Variants in NEUROD4 observed in about 807,000 individuals in gnomAD.
The protein encoded by NEUROD4 is neurogenic differentiation factor 4.
In NEUROD4, 16 loss-of-function variants were observed where a neutral mutation model predicts 19.8. The observed-to-expected ratio is 0.81, with a 90% CI of 0.55 to 1.23. NEUROD4 has a LOEUF of 1.23. Ranked by LOEUF, NEUROD4 falls within the 50% of genes most tolerant of loss-of-function variation. The pLI, the probability that NEUROD4 is intolerant of heterozygous loss-of-function variation, is 0.00. For synonymous variants in NEUROD4, 153 were observed against 147.9 expected (o/e 1.03, Z -0.25); for missense variants, 439 against 398.6 (o/e 1.10, Z -0.86).
Position 55,027,449 on chromosome 12 carries a change from A to T in NEUROD4, c.*14A>T. 3 of 1,574,768 alleles carry T rather than the reference A, an allele frequency of 1.9e-6. No individual in the cohort carries two copies. Among genetic ancestry groups the T allele is most frequent in the Non-Finnish European group, 2.6e-6 (3 of 1,162,396 alleles). ...TTCACTGAGTGAGGCAGTTAAGTTCAATGTTTCAGAGAATGACGTGGAGAC... is the reference window on the plus strand; with the variant it reads ...TTCACTGAGTGAGGCAGTTAAGTTCTATGTTTCAGAGAATGACGTGGAGAC... On this transcript the variant is annotated 3_prime_UTR_variant, in exon 2 of 2. Coordinates refer to ENST00000242994, the MANE Select transcript of NEUROD4 (RefSeq NM_021191.3).
intron 1 of NEUROD4, 72 bp from the exon 2 acceptor site, chr12:55,026,359 A>C (rs1433635075): frequency 1.5e-6 from 2 of 1,309,552 alleles, no homozygotes; most frequent in African/African-American, 1.5e-5. Flanking sequence ...AGATAATTAC[A>C]TATAAAAAAC....
rs1194631084 is a variant in NEUROD4, at chr12:55,029,611, C to T, written c.*2176C>T. On this transcript the variant is annotated 3_prime_UTR_variant, in exon 2 of 2. Coordinates refer to ENST00000242994, the MANE Select transcript of NEUROD4 (RefSeq NM_021191.3). ...TAGCTCATAATTTTGCTAAGAACTG[C>T]TGAGTTTTGGAGTGAGGGGAAAGGA... The T allele has an allele frequency of 6.0e-6, 1 of 167,000 alleles. No homozygotes were observed. The highest frequency in any genetic ancestry group is 1.5e-5 in the Non-Finnish European group (1 of 68,090). The allele number at this position is 167,000 out of a possible 1,614,324, so 10.3% of individuals were successfully genotyped here.
rs1231532835 is a variant in NEUROD4, at chr12:55,029,601, C to T, written c.*2166C>T. ...ATTTGGAAAGTAGCTCATAATTTTG[C>T]TAAGAACTGCTGAGTTTTGGAGTGA... On this transcript the variant is annotated 3_prime_UTR_variant, in exon 2 of 2. Transcript: ENST00000242994. 1.8e-5 allele frequency: 3 copies of T among 166,962 alleles called. No homozygotes were observed. The highest frequency in any genetic ancestry group is 4.4e-5 in the Non-Finnish European group (3 of 68,090). 10.3% of individuals were successfully genotyped at this position (166,962 alleles called of 1,614,324 possible).
rs1952751368 is a variant in NEUROD4, at chr12:55,027,706, G to C, written c.*271G>C. 1 of 364,716 alleles carries C rather than the reference G, an allele frequency of 2.7e-6. No individual in the cohort carries two copies. The highest frequency in any genetic ancestry group is 4.6e-5 in the East Asian group (1 of 21,852). The allele number at this position is 364,716 out of a possible 1,614,324, so 22.6% of individuals were successfully genotyped here. On this transcript the variant is annotated 3_prime_UTR_variant, in exon 2 of 2. Coordinates refer to ENST00000242994, the MANE Select transcript of NEUROD4 (RefSeq NM_021191.3). ...AGAAGACCTGGGCCCTATTCCAGTG[G>C]TGCCAAAAACTCATTGCATAATCTG... is the stretch of plus-strand genomic sequence containing the variant.
Position 55,029,449 on chromosome 12 carries a change from A to G in NEUROD4, c.*2014A>G, listed in dbSNP as rs1426161914. 3 of 166,978 alleles carry G rather than the reference A, an allele frequency of 1.8e-5. No individual in the cohort carries two copies. Among genetic ancestry groups the G allele is most frequent in the Non-Finnish European group, 4.4e-5 (3 of 68,108 alleles). 10.3% of individuals were successfully genotyped at this position (166,978 alleles called of 1,614,324 possible). ...CGAAGCTAGCATTTTCTGGCATTTA[A>G]GTTTGTAGATAATCACTGTTGTTTG... On this transcript the variant is annotated 3_prime_UTR_variant, in exon 2 of 2. Transcript: ENST00000242994.
Position 55,027,422 on chromosome 12 carries a change from T to G in NEUROD4, c.983T>G (p.Val328Gly), listed in dbSNP as rs1361253451. The G allele has an allele frequency of 1.2e-6, 2 of 1,604,544 alleles. No individual in the cohort carries two copies. Among genetic ancestry groups the G allele is most frequent in the African/African-American group, 1.3e-5 (1 of 74,594 alleles). Residue 328 changes from valine (V) to glycine (G), a missense_variant, in exon 2 of 2, where the codon GTC becomes GGC. Val to Gly is a moderately radical substitution (Grantham distance 109). Transcript: ENST00000242994. Reference protein sequence around the residue: ...HHGIGTQLNTVFTE With the variant: ...HHGIGTQLNTGFTE ...GGTATTGGGACCCAACTCAATACAG[T>G]CTTCACTGAGTGAGGCAGTTAAGTT...
At position 55,027,099 on chromosome 12, in the gene NEUROD4, T is replaced by A; in HGVS notation, c.660T>A (p.His220Gln). ...PSPPYGHMET[H>Q]LLHLKPQVFK... ...CTCCTTATGGTCATATGGAAACACA[T>A]CTCCTTCATCTCAAGCCCCAAGTAT... Residue 220 changes from histidine to glutamine, a missense_variant, in exon 2 of 2, where the codon CAT becomes CAA. Transcript: ENST00000242994. 6.2e-7 allele frequency: 1 copy of A among 1,614,068 alleles called. No individual in the cohort carries two copies. The highest frequency in any genetic ancestry group is 8.5e-7 in the Non-Finnish European group (1 of 1,179,982).
chr12:55,026,429 A>G lies in NEUROD4; in HGVS notation c.-9-2A>G, dbSNP rs1952729513. 6.3e-7 allele frequency: 1 copy of G among 1,581,496 alleles called. No homozygotes were observed. Among genetic ancestry groups the G allele is most frequent in the Non-Finnish European group, 8.6e-7 (1 of 1,166,662 alleles). On this transcript the variant is annotated splice_acceptor_variant, in intron 1 of 1. Transcript: ENST00000242994. LOFTEE classifies it low-confidence loss of function (5UTR_SPLICE). The stretch of plus-strand genomic sequence containing the variant: ...TTAACCTTTGATATTTCCCTTTTCC[A>G]GAGTCTGGAAATGTCAAAAACTTTT...
chr12:55,022,144 A>G (rs1532834), intron 1 of NEUROD4, among the ~76,000 whole-genome samples: 55,281 of 151,908 alleles, frequency 0.36, 10,716 homozygotes, highest in African/African-American at 0.48. Flanking sequence ...TCTTATTTTC[A>G]TTTTGCCCTA....
intron 1 of NEUROD4, among the ~76,000 whole-genome samples, chr12:55,024,697 G>A (rs1365841242): frequency 6.6e-6 from 1 of 152,152 alleles, no homozygotes; most frequent in Non-Finnish European, 1.5e-5. Flanking sequence ...CATATTAAAA[G>A]TGGGATTTTC....
Position 55,027,121 on chromosome 12 carries a change from G to C in NEUROD4, c.682G>C (p.Val228Leu). The change falls in exon 2 of 2, where the codon GTA becomes CTA. Residue 228 changes from valine (V) to leucine (L), a missense_variant. Physicochemically the swap from Val to Leu is conservative, Grantham distance 32 (BLOSUM62 1). Coordinates refer to ENST00000242994, the MANE Select transcript of NEUROD4 (RefSeq NM_021191.3). ...ACATCTCCTTCATCTCAAGCCCCAAGTATTCAAGAGTTTGGGAGAATCGTC... is the reference window on the plus strand; with the variant it reads ...ACATCTCCTTCATCTCAAGCCCCAACTATTCAAGAGTTTGGGAGAATCGTC... The part of the protein sequence containing the change: ...ETHLLHLKPQ[V>L]FKSLGESSFG... The C allele has an allele frequency of 6.2e-7, 1 of 1,614,130 alleles. No individual in the cohort carries two copies. Among genetic ancestry groups the C allele is most frequent in the Non-Finnish European group, 8.5e-7 (1 of 1,179,998 alleles).
rs891318585 is a variant in NEUROD4, at chr12:55,029,954, T to C, written c.*2519T>C. On this transcript the variant is annotated 3_prime_UTR_variant, in exon 2 of 2. Transcript: ENST00000242994. The stretch of plus-strand genomic sequence containing the variant: ...GTAAAATAATTGTTTAAATATTTTG[T>C]TTAAAATATGACTGTTTTTCCTCCC... 6.0e-6 allele frequency: 1 copy of C among 166,930 alleles called. No homozygotes were observed. Among genetic ancestry groups the C allele is most frequent in the Non-Finnish European group, 1.5e-5 (1 of 68,124 alleles). 10.3% of individuals were successfully genotyped at this position (166,930 alleles called of 1,614,324 possible). A position where few individuals can be genotyped will look rare whatever the true frequency, so the allele number is the denominator to read the frequency against.
rs1486841259 is a variant in NEUROD4 at position 55,029,965 on chromosome 12, A to T, written c.*2530A>T. 1 of 166,640 alleles carries T rather than the reference A, an allele frequency of 6.0e-6. No individual in the cohort carries two copies. Among genetic ancestry groups the T allele is most frequent in the South Asian group, 2.1e-4 (1 of 4,828 alleles). The allele number at this position is 166,640 out of a possible 1,614,324, so 10.3% of individuals were successfully genotyped here. A position where few individuals can be genotyped will look rare whatever the true frequency, so the allele number is the denominator to read the frequency against. On this transcript the variant is annotated 3_prime_UTR_variant, in exon 2 of 2. Transcript: ENST00000242994. ...GTTTAAATATTTTGTTTAAAATATG[A>T]CTGTTTTTCCTCCCTTTTTCCTAGC...
At chr12:55,025,943 T>A (rs189546265) in intron 1 of NEUROD4, among the ~76,000 whole-genome samples, 1 of 152,374 alleles carries the variant, frequency 6.6e-6, no homozygotes, top group East Asian at 1.9e-4. Flanking sequence ...TTTTGTATGG[T>A]GTAAATATAC....
Position 55,029,166 on chromosome 12 carries a change from C to A in NEUROD4, c.*1731C>A, listed in dbSNP as rs1158330015. On this transcript the variant is annotated 3_prime_UTR_variant, in exon 2 of 2. Coordinates refer to ENST00000242994, the MANE Select transcript of NEUROD4 (RefSeq NM_021191.3). ...TGTTTACCTCTCTTATTTATTATCT[C>A]CATACAGTATAAGTTATTTTTTTTC... The A allele has an allele frequency of 6.3e-6, 1 of 159,380 alleles. No individual in the cohort carries two copies. The highest frequency in any genetic ancestry group is 2.7e-5 in the African/African-American group (1 of 37,618). The allele number at this position is 159,380 out of a possible 1,614,324, so 9.9% of individuals were successfully genotyped here. A position where few individuals can be genotyped will look rare whatever the true frequency, so the allele number is the denominator to read the frequency against.
At chr12:55,021,826 C>A (rs1005989643) in intron 1 of NEUROD4, among the ~76,000 whole-genome samples, 2 of 152,006 alleles carry the variant, frequency 1.3e-5, no homozygotes, top group Admixed American at 1.3e-4. Context: ...CTTTATAAGA[C>A]CAGAATGTGT....
rs142279930 is a variant in NEUROD4 at position 55,021,576 on chromosome 12, T to G, written c.-10+1263T>G. Among the ~76,000 whole-genome samples, 123 of 152,350 alleles carry G rather than the reference T, an allele frequency of 8.1e-4. 1 individual carries two copies. The highest frequency in any genetic ancestry group is 7.1e-3 in the Admixed American group (108 of 15,308). On this transcript the variant is annotated intron_variant, in intron 1 of 1. Transcript: ENST00000242994. ...GAAAGAATTCCAGGATAGCTTCACA[T>G]AGTAGTAATGCTTAACGACTTTGGC...
chr12:55,026,134 A>G (rs1354151378), intron 1 of NEUROD4, among the ~76,000 whole-genome samples: 1 of 152,182 alleles, frequency 6.6e-6, no homozygotes, highest in Admixed American at 6.5e-5. Flanking sequence ...AAGAAAGAAA[A>G]ATATATCTTT....
chr12:55,026,317 G>T, intron 1 of NEUROD4, 114 bp from the exon 2 acceptor site: 1 of 821,164 alleles, frequency 1.2e-6, no homozygotes, highest in Non-Finnish European at 1.9e-6. Flanking sequence ...TTTCAGTTTT[G>T]GACTGGTCAT....
Sources: allele counts gnomAD v4.1 joint callset (sites outside exome capture counted in the v4.1 genomes callset), GRCh38; gene constraint gnomAD v4.1.1; transcripts MANE v1.5; gene names NCBI Gene and HGNC (gene_info 2026-07-23, HGNC 2026-07-21).